Variants in UNC13C observed in about 807,000 individuals in gnomAD.
UNC13C encodes unc-13 homolog C.
UNC13C carries 174 observed loss-of-function variants against 245.4 expected under a neutral mutation model. The ratio of observed to expected loss-of-function variants is 0.71; its 90% confidence interval spans 0.63 to 0.80. The LOEUF (loss-of-function observed/expected upper bound fraction) is 0.80. UNC13C is among the 30% of genes least tolerant of loss of function. UNC13C has a pLI of 0.00. For synonymous variants in UNC13C, 992 were observed against 895.1 expected (o/e 1.11, Z -1.93); for missense variants, 2,829 against 2,602.9 (o/e 1.09, Z -1.89).
intron 29 of UNC13C, among the ~76,000 whole-genome samples, chr15:54,561,273 A>C (rs1259365685): frequency 6.6e-6 from 1 of 151,198 alleles, no homozygotes; most frequent in African/African-American, 2.4e-5. Context: ...AGAGAGGTAC[A>C]TTGAAAATGA....
chr15:54,583,729 C>T (rs734954), intron 30 of UNC13C, among the ~76,000 whole-genome samples: 57,689 of 151,878 alleles, frequency 0.38, 11,538 homozygotes, highest in East Asian at 0.67. Flanking sequence ...CACTGTATCA[C>T]CTCTGGTCTG....
At chr15:53,974,410 C>G (rs1414380768), upstream of UNC13C, among the ~76,000 whole-genome samples, 3 of 152,166 alleles carry the variant, frequency 2.0e-5, 1 homozygote, top group African/African-American at 7.2e-5. Flanking sequence ...ATCAACCTAC[C>G]TTTTATGAGT....
chr15:53,959,312 G>T, the UNC13C span, among the ~76,000 whole-genome samples: 1 of 151,928 alleles, frequency 6.6e-6, no homozygotes, highest in Non-Finnish European at 1.5e-5. Flanking sequence ...ATTCTCAGCA[G>T]TGGGATTCCT....
rs2141181760 is a variant in UNC13C, at chr15:54,549,694, A to G, written c.5877+3A>G. The G allele has an allele frequency of 1.3e-6, 2 of 1,583,650 alleles. No individual in the cohort carries two copies. The highest frequency in any genetic ancestry group is 2.3e-5 in the South Asian group (2 of 86,656). ...TTGGACAATTATCCAAACTGAAGGT[A>G]ATAAAAATAAGGAAATTACTTATTC... On this transcript the variant is annotated splice_donor_region_variant and intron_variant, in intron 28 of 32. Coordinates refer to ENST00000260323, the MANE Select transcript of UNC13C (RefSeq NM_001080534.3).
chr15:54,035,891 G>C (rs1332286171), intron 2 of UNC13C, among the ~76,000 whole-genome samples: 1 of 152,038 alleles, frequency 6.6e-6, no homozygotes, highest in African/African-American at 2.4e-5. Context: ...TGCAGCCGTT[G>C]GATGCCAGAA....
At chr15:54,271,248 A>G (rs923188382) in intron 10 of UNC13C, among the ~76,000 whole-genome samples, 1 of 152,212 alleles carries the variant, frequency 6.6e-6, no homozygotes, top group Non-Finnish European at 1.5e-5. Flanking sequence ...AATTCCTAAA[A>G]TATCACGTGA....
intron 4 of UNC13C, among the ~76,000 whole-genome samples, chr15:54,180,785 GT>G (rs59165069): frequency 0.11 from 16,511 of 151,774 alleles, 1,276 homozygotes; most frequent in African/African-American, 0.22. Flanking sequence ...TTGGACACTG[GT>G]ATGTCTTTTG....
chr15:54,331,528 T>C (rs1442311810), intron 14 of UNC13C, among the ~76,000 whole-genome samples: 3 of 152,070 alleles, frequency 2.0e-5, no homozygotes, highest in South Asian at 2.1e-4. Context: ...GAAGTCTGCA[T>C]TTGCTTCCAA....
chr15:53,972,440 C>T, the UNC13C span, among the ~76,000 whole-genome samples: 27 of 152,264 alleles, frequency 1.8e-4, no homozygotes, highest in South Asian at 6.2e-4. Context: ...TATTTTGATA[C>T]AAATATTTTA....
At chr15:54,473,580 C>T (rs963762520) in intron 19 of UNC13C, among the ~76,000 whole-genome samples, 1 of 151,706 alleles carries the variant, frequency 6.6e-6, no homozygotes, top group South Asian at 2.1e-4. Flanking sequence ...ATTTTAGCTC[C>T]CAAAATTTGT....
chr15:54,593,313 C>G lies in UNC13C; in HGVS notation c.6106+25366C>G, dbSNP rs544012546. Among the ~76,000 whole-genome samples the G allele has an allele frequency of 3.4e-5, 5 of 145,008 alleles. No individual in the cohort carries two copies. The East Asian group carries it at 1.0e-3, about 30-fold the overall frequency. On this transcript the variant is annotated intron_variant, in intron 30 of 32. Transcript: ENST00000260323. ...GCAAAGATCTTCTTGTGATGAATTT[C>G]CCAGGTGTTCTTTGTGCTTCTTGTA...
At chr15:54,009,007 C>A (rs994297980) in intron 1 of UNC13C, among the ~76,000 whole-genome samples, 1 of 152,080 alleles carries the variant, frequency 6.6e-6, no homozygotes, top group Admixed American at 6.6e-5. Flanking sequence ...TAAATGTCAT[C>A]TTCCTTTCCT....
intron 13 of UNC13C, chr15:54,321,017 C>T (rs944112790): frequency 6.7e-6 from 3 of 447,368 alleles, no homozygotes; most frequent in African/African-American, 2.0e-5. Context: ...CACACAGTCA[C>T]TAACGTTTCC....
At chr15:54,094,918 G>T (rs1455100759) in intron 2 of UNC13C, among the ~76,000 whole-genome samples, 1 of 152,118 alleles carries the variant, frequency 6.6e-6, no homozygotes, top group African/African-American at 2.4e-5. Context: ...CATTTTAACT[G>T]CAATTCTCCC....
chr15:54,474,706 G>C (rs1052347579), intron 19 of UNC13C, among the ~76,000 whole-genome samples: 2 of 151,820 alleles, frequency 1.3e-5, no homozygotes, highest in African/African-American at 4.8e-5. Context: ...TCCTGGTGTT[G>C]GTCCATTTGC....
At chr15:54,131,352 T>C (rs2031402579) in intron 2 of UNC13C, among the ~76,000 whole-genome samples, 1 of 152,206 alleles carries the variant, frequency 6.6e-6, no homozygotes. Context: ...TGATTCCACA[T>C]TGCGATTAGG....
intron 24 of UNC13C, among the ~76,000 whole-genome samples, chr15:54,514,264 C>T (rs17818548): frequency 0.019 from 2,904 of 152,252 alleles, 59 homozygotes; most frequent in Non-Finnish European, 0.026. Flanking sequence ...CTTTGATATG[C>T]AACACTTGAT....
chr15:54,488,996 G>C (rs1341319375), intron 19 of UNC13C, among the ~76,000 whole-genome samples: 1 of 152,106 alleles, frequency 6.6e-6, no homozygotes, highest in African/African-American at 2.4e-5. Context: ...AATTTGAGTA[G>C]AAATAAAGGT....
rs762899251 is a variant in UNC13C, at chr15:54,047,008, C to T, written c.2983+31122C>T. Among the ~76,000 whole-genome samples the T allele has an allele frequency of 1.1e-3, 170 of 151,958 alleles. 1 individual carries two copies. Among genetic ancestry groups the T allele is most frequent in the Non-Finnish European group, 1.7e-3 (113 of 67,958 alleles). On this transcript the variant is annotated intron_variant, in intron 2 of 32. Transcript: ENST00000260323. ...ATGTAATTCCATATATACACATAAACGCACTCTATAATGTACAATGTCCAA... is the reference window on the plus strand; with the variant it reads ...ATGTAATTCCATATATACACATAAATGCACTCTATAATGTACAATGTCCAA...
Sources: gnomAD v4.1 joint callset for allele counts (sites outside exome capture counted in the v4.1 genomes callset) on GRCh38, gnomAD v4.1.1 for gene constraint, MANE v1.5 for transcripts, NCBI Gene and HGNC (gene_info 2026-07-23, HGNC 2026-07-21) for gene names.